DISC1: variants seen among roughly 807,000 people sequenced by gnomAD.
The protein encoded by DISC1 is DISC1 scaffold protein.
In DISC1, 57 loss-of-function variants were observed where a neutral mutation model predicts 84.5. The observed-to-expected ratio is 0.67, with a 90% CI of 0.55 to 0.84. The LOEUF is 0.84. Among genes scored for constraint, DISC1 ranks in the 40% least tolerant of loss-of-function variants. DISC1 has a pLI of 0.00. For synonymous variants in DISC1, 411 were observed against 415.2 expected, an observed-to-expected ratio of 0.99 and a Z score of 0.12; for missense variants, 1,000 against 1,057.8, an observed-to-expected ratio of 0.95 and a Z score of 0.76.
chr1:231,747,916 A>G lies in DISC1; in HGVS notation c.1118-2010A>G, dbSNP rs148958465. ...GTATCCTCTTCAATTTCTTTCATCAATGGTTCATAGTTTCCCTTGCAGAGA... is the reference window on the plus strand; with the variant it reads ...GTATCCTCTTCAATTTCTTTCATCAGTGGTTCATAGTTTCCCTTGCAGAGA... On this transcript the variant is annotated intron_variant, in intron 3 of 12. Transcript: ENST00000439617. Among the ~76,000 whole-genome samples the G allele has an allele frequency of 7.2e-3, 1,094 of 152,124 alleles. 17 individuals are homozygous for G. The highest frequency in any genetic ancestry group is 0.025 in the African/African-American group (1,040 of 41,516).
intron 6 of DISC1, 104 bp downstream of exon 6, chr1:231,771,174 T>A (rs536539633): frequency 2.1e-6 from 3 of 1,461,178 alleles, no homozygotes; most frequent in South Asian, 1.5e-5. Flanking sequence ...TCCCAAGCAG[T>A]CTGTATTTTT....
chr1:231,679,663 G>A (rs2063498705), intron 1 of DISC1, among the ~76,000 whole-genome samples: 1 of 152,214 alleles, frequency 6.6e-6, no homozygotes, highest in African/African-American at 2.4e-5. Context: ...AGGCATTACA[G>A]AGGCAAGAAG....
chr1:231,831,859 T>C (rs540277844), intron 9 of DISC1, among the ~76,000 whole-genome samples: 57,727 of 143,260 alleles, frequency 0.4, 7,405 homozygotes, highest in Admixed American at 0.47. Context: ...TGGGGGGGGG[T>C]GGGCAGAGTG....
chr1:231,675,215 T>G lies in DISC1; in HGVS notation c.68-18611T>G, dbSNP rs2063021134. Among the ~76,000 whole-genome samples the G allele has an allele frequency of 6.6e-6, 1 of 152,064 alleles. No individual in the cohort carries two copies. Among genetic ancestry groups the G allele is most frequent in the Non-Finnish European group, 1.5e-5 (1 of 67,988 alleles). On this transcript the variant is annotated intron_variant, in intron 1 of 12. Transcript: ENST00000439617. This position sits in a 1 kb window ranked among gnomAD's most constrained non-coding sequence, Gnocchi z 4.1. The stretch of plus-strand genomic sequence containing the variant: ...CATGTGTGTCCTGCTTATTGGTCCT[T>G]AGGCTACTCCCGCCCGCAAAGTGTA...
intron 6 of DISC1, among the ~76,000 whole-genome samples, chr1:231,789,284 A>C (rs539932589): frequency 2.0e-5 from 3 of 152,286 alleles, no homozygotes; most frequent in Admixed American, 2.0e-4. Context: ...CAGCCACAGC[A>C]GATTTGAGGA....
chr1:231,759,079 A>G (rs1308514215), intron 4 of DISC1, among the ~76,000 whole-genome samples: 1 of 152,216 alleles, frequency 6.6e-6, no homozygotes, highest in African/African-American at 2.4e-5. Flanking sequence ...GCCTGTCCAC[A>G]TATTTCCCAC....
chr1:231,723,824 G>C lies in DISC1; in HGVS notation c.1117+21800G>C, dbSNP rs552371923. On this transcript the variant is annotated intron_variant, in intron 3 of 12. Coordinates refer to ENST00000439617, the MANE Select transcript of DISC1 (RefSeq NM_018662.3). ...CCTCCCTTCTTCCTCCCTCTTTTTT[G>C]TTGGTTGTGGGGTGGGCTACATCTT... is the stretch of plus-strand genomic sequence containing the variant. 371 of 985,250 alleles carry C rather than the reference G, an allele frequency of 3.8e-4. No individual in the cohort carries two copies. In the African/African-American group the frequency reaches 6.0e-3, roughly 16 times the overall value. 61.0% of individuals were successfully genotyped at this position (985,250 alleles called of 1,614,324 possible). A position where few individuals can be genotyped will look rare whatever the true frequency, so the allele number is the denominator to read the frequency against.
At chr1:231,968,804 C>T (rs1558792036) in intron 10 of DISC1, among the ~76,000 whole-genome samples, 1 of 152,026 alleles carries the variant, frequency 6.6e-6, no homozygotes, top group African/African-American at 2.4e-5. Flanking sequence ...TTGTTATTTT[C>T]AAGTACCAGC....
chr1:231,770,739 A>G (rs1558513707), intron 5 of DISC1, 96 bp from the exon 6 acceptor site: 2 of 1,549,452 alleles, frequency 1.3e-6, no homozygotes, highest in South Asian at 2.4e-5. Context: ...GTTCTGGTGC[A>G]TATGGCCAAT....
intron 12 of DISC1, among the ~76,000 whole-genome samples, chr1:232,027,540 T>TC (rs1442701780): frequency 1.3e-5 from 2 of 152,198 alleles, no homozygotes; most frequent in Admixed American, 6.5e-5. Flanking sequence ...ACGCAGTTTG[T>TC]CACTGGTTAG....
chr1:231,819,328 C>T (rs1277056668), intron 9 of DISC1: 1 of 230,408 alleles, frequency 4.3e-6, no homozygotes, highest in Middle Eastern at 5.2e-4. Flanking sequence ...GTAAATACTC[C>T]GTAAATTGAA....
intron 12 of DISC1, among the ~76,000 whole-genome samples, chr1:232,027,495 C>G (rs1245400250): frequency 6.6e-6 from 1 of 151,724 alleles, no homozygotes; most frequent in Non-Finnish European, 1.5e-5. Flanking sequence ...AGGTATGCAT[C>G]CGTATGAAGC....
chr1:231,878,703 T>C (rs1166586524), intron 9 of DISC1, among the ~76,000 whole-genome samples: 1 of 152,140 alleles, frequency 6.6e-6, no homozygotes, highest in Non-Finnish European at 1.5e-5. Context: ...GTGAATTTCA[T>C]TGTGAACACA....
chr1:231,980,283 G>C (rs1160893850), intron 10 of DISC1, among the ~76,000 whole-genome samples: 7 of 152,134 alleles, frequency 4.6e-5, no homozygotes, highest in Admixed American at 3.9e-4. Flanking sequence ...AACTCCCTAG[G>C]CTTGGGAAAT....
chr1:231,765,446 T>C (rs1019453645), intron 4 of DISC1, among the ~76,000 whole-genome samples: 2 of 152,176 alleles, frequency 1.3e-5, no homozygotes, highest in Non-Finnish European at 2.9e-5. Flanking sequence ...ATATAACTTT[T>C]TATAAATTAG....
chr1:231,785,842 C>T (rs1401516008), intron 6 of DISC1, among the ~76,000 whole-genome samples: 1 of 152,166 alleles, frequency 6.6e-6, no homozygotes, highest in African/African-American at 2.4e-5. Context: ...CATAAAGCCT[C>T]ATATACACAG....
At chr1:231,641,324 G>A (rs1220796896) in intron 1 of DISC1, among the ~76,000 whole-genome samples, 1 of 152,160 alleles carries the variant, frequency 6.6e-6, no homozygotes, top group Non-Finnish European at 1.5e-5. Flanking sequence ...TCTTTCTAGT[G>A]GGTTCGTGGT....
chr1:232,025,205 G>A (rs1244257948), intron 11 of DISC1, among the ~76,000 whole-genome samples: 2 of 152,170 alleles, frequency 1.3e-5, no homozygotes, highest in African/African-American at 4.8e-5. Context: ...TGGGGCCTTT[G>A]AAGGAAAGGC....
chr1:231,784,425 A>T lies in DISC1; in HGVS notation c.1635-10817A>T, dbSNP rs1176048850. Among the ~76,000 whole-genome samples the T allele has an allele frequency of 2.0e-5, 3 of 152,202 alleles. No individual in the cohort carries two copies. The East Asian group carries it at 5.8e-4, about 29-fold the overall frequency. ...TAGGGAGAATGTGAGTCATGATGTG[A>T]TGTATATTCAGAGAAAGAGTCAAAT... is the stretch of plus-strand genomic sequence containing the variant. On this transcript the variant is annotated intron_variant, in intron 6 of 12. Transcript: ENST00000439617.
Sources: gnomAD v4.1 joint callset for allele counts (sites outside exome capture counted in the v4.1 genomes callset) on GRCh38, gnomAD v4.1.1 for gene constraint, Gnocchi (gnomAD v3.1) non-coding constraint, MANE v1.5 for transcripts, NCBI Gene and HGNC (gene_info 2026-07-23, HGNC 2026-07-21) for gene names.